The following RERE variants were observed in gnomAD, a reference collection of about 807,000 sequenced individuals.
The protein encoded by RERE is arginine-glutamic acid dipeptide repeats, also known as arginine-glutamic acid dipeptide repeats protein.
Under a neutral mutation model 146.1 loss-of-function variants are expected in RERE, and 40 were observed. That is an observed-to-expected ratio of 0.27 (90% CI 0.21 to 0.36). The LOEUF is 0.36. RERE is among the 10% of genes least tolerant of loss of function. RERE has a pLI of 1.00. For synonymous variants in RERE, 1,003 were observed against 866.0 expected, an observed-to-expected ratio of 1.16 and a Z score of -2.78; for missense variants, 1,933 against 2,138.7, an observed-to-expected ratio of 0.90 and a Z score of 1.90.
intron 11 of RERE, among the ~76,000 whole-genome samples, chr1:8,458,046 G>A (rs1644473259): frequency 6.6e-6 from 1 of 152,068 alleles, no homozygotes; most frequent in Non-Finnish European, 1.5e-5. Flanking sequence ...AATGTAATAT[G>A]TCTCACCTGT....
chr1:8,596,448 T>C (rs1420423557), intron 4 of RERE, among the ~76,000 whole-genome samples: 1 of 152,214 alleles, frequency 6.6e-6, no homozygotes, highest in African/African-American at 2.4e-5. Flanking sequence ...ATCCAGTGAA[T>C]TGCACTGATA....
At chr1:8,564,814 ATGTGTGTGTATATGTGTATGTGTG>A (rs1646125273) in intron 4 of RERE, among the ~76,000 whole-genome samples, 1 of 100,168 alleles carries the variant, frequency 1.0e-5, no homozygotes. Context: ...GTGTGTATGT[ATGTGTGTGTATATGTGTATGTGTG>A]TGTGTGTGTG....
intron 11 of RERE, among the ~76,000 whole-genome samples, chr1:8,433,780 T>C (rs1475703221): frequency 2.0e-5 from 3 of 151,684 alleles, no homozygotes; most frequent in East Asian, 1.9e-4. Context: ...CAGGATGGTC[T>C]CGATCTCCTG....
chr1:8,471,359 C>G (rs1236852281), intron 10 of RERE, among the ~76,000 whole-genome samples: 2 of 152,112 alleles, frequency 1.3e-5, no homozygotes, highest in African/African-American at 4.8e-5. Flanking sequence ...GTCTCCCACA[C>G]TGGAGTGCAG....
At chr1:8,683,297 C>T (rs561326697) in intron 1 of RERE, among the ~76,000 whole-genome samples, 1 of 152,276 alleles carries the variant, frequency 6.6e-6, no homozygotes, top group African/African-American at 2.4e-5. Context: ...AATCCCACTC[C>T]TCCCTCCAGA....
intron 7 of RERE, among the ~76,000 whole-genome samples, chr1:8,533,891 T>C (rs1447165892): frequency 1.3e-5 from 2 of 152,202 alleles, no homozygotes; most frequent in Admixed American, 1.3e-4. Flanking sequence ...AATGATCAAA[T>C]GAAAAACAGG....
chr1:8,384,263 C>T (rs1642562971), intron 12 of RERE, among the ~76,000 whole-genome samples: 1 of 152,172 alleles, frequency 6.6e-6, no homozygotes. Flanking sequence ...TCCAGTCTCT[C>T]CCTGAGTCAT....
intron 1 of RERE, among the ~76,000 whole-genome samples, chr1:8,671,182 A>C (rs1384913167): frequency 6.6e-6 from 1 of 152,248 alleles, no homozygotes; most frequent in African/African-American, 2.4e-5. Context: ...GATGGTATCA[A>C]AACAAACTAC....
chr1:8,785,981 T>A (rs958256749), intron 1 of RERE, among the ~76,000 whole-genome samples: 1 of 152,066 alleles, frequency 6.6e-6, no homozygotes, highest in African/African-American at 2.4e-5. Context: ...CACATCATTT[T>A]ATCAAATTCC....
rs548075266 is a variant in RERE, at chr1:8,559,280, C to CAAAAAAA, written c.523-1764_523-1758dup. ...GGGCAACAAGAGCAAAACTCCAGCT[C>CAAAAAAA]AAAAAAAAAAAAAAAAAAAAAAAAC... is the stretch of plus-strand genomic sequence containing the variant. On this transcript the variant is annotated intron_variant, in intron 4 of 22. Coordinates refer to ENST00000400908, the MANE Select transcript of RERE (RefSeq NM_001042681.2). Among the ~76,000 whole-genome samples the CAAAAAAA allele has an allele frequency of 3.6e-3, 43 of 12,062 alleles. 3 individuals are homozygous for CAAAAAAA. Among genetic ancestry groups the CAAAAAAA allele is most frequent in the East Asian group, 0.014 (2 of 138 alleles). 7.9% of individuals were successfully genotyped at this position (12,062 alleles called of 152,430 possible).
chr1:8,461,452 G>C (rs1259615143), intron 11 of RERE, among the ~76,000 whole-genome samples: 1 of 152,056 alleles, frequency 6.6e-6, no homozygotes, highest in African/African-American at 2.4e-5. Flanking sequence ...ATGCTTCTCT[G>C]ATCAAACCAA....
At chr1:8,765,255 T>A (rs1219001101) in intron 1 of RERE, among the ~76,000 whole-genome samples, 2 of 152,222 alleles carry the variant, frequency 1.3e-5, no homozygotes, top group African/African-American at 4.8e-5. Flanking sequence ...TACAAAAGAC[T>A]ACATGATTCA....
chr1:8,415,034 T>G (rs2124462171), intron 12 of RERE, among the ~76,000 whole-genome samples: 1 of 152,318 alleles, frequency 6.6e-6, no homozygotes, highest in South Asian at 2.1e-4. Context: ...TATTCAAGGA[T>G]TATAATTTCA....
chr1:8,380,980 TCC>T, intron 12 of RERE: 1 of 456,668 alleles, frequency 2.2e-6, no homozygotes, highest in South Asian at 1.5e-5. Flanking sequence ...CAATGGTTTT[TCC>T]CACATGTCCT....
At chr1:8,665,639 C>A (rs1638553612) in intron 1 of RERE, among the ~76,000 whole-genome samples, 1 of 152,116 alleles carries the variant, frequency 6.6e-6, no homozygotes, top group Non-Finnish European at 1.5e-5. Context: ...AGTTAAATAG[C>A]AGCTACAGGG....
chr1:8,617,383 T>TAAAAAA (rs1288225224), intron 3 of RERE, among the ~76,000 whole-genome samples: 54 of 140,352 alleles, frequency 3.8e-4, no homozygotes, highest in African/African-American at 1.5e-3. Context: ...TCTTAACTCT[T>TAAAAAA]AAAGAATTAA....
intron 1 of RERE, among the ~76,000 whole-genome samples, chr1:8,666,467 G>C (rs1271358459): frequency 6.6e-6 from 1 of 152,358 alleles, no homozygotes; most frequent in South Asian, 2.1e-4. Context: ...GCATGCAGCA[G>C]AAAACCAAAC....
chr1:8,479,938 C>T (rs1393935463), intron 10 of RERE, among the ~76,000 whole-genome samples: 2 of 152,042 alleles, frequency 1.3e-5, no homozygotes. Context: ...AAATATTATA[C>T]ATTTTAGAAT....
chr1:8,810,091 C>T (rs1569845319), intron 1 of RERE, among the ~76,000 whole-genome samples: 2 of 151,432 alleles, frequency 1.3e-5, no homozygotes, highest in South Asian at 2.1e-4. Flanking sequence ...CTGCAACCTC[C>T]GCCTCCCGGG....
Sources: allele counts gnomAD v4.1 joint callset (sites outside exome capture counted in the v4.1 genomes callset), GRCh38; gene constraint gnomAD v4.1.1; transcripts MANE v1.5; gene names NCBI Gene and HGNC (gene_info 2026-07-23, HGNC 2026-07-21).